The following RBPJ variants were observed in gnomAD, a reference collection of about 807,000 sequenced individuals.
RBPJ encodes recombination signal binding protein for immunoglobulin kappa J region.
Under a neutral mutation model 67.8 loss-of-function variants are expected in RBPJ, and 9 were observed. That is an observed-to-expected ratio of 0.13 (90% CI 0.08 to 0.23). RBPJ has a LOEUF of 0.23. Among genes scored for constraint, RBPJ ranks in the 10% least tolerant of loss-of-function variants. The pLI is 1.00. For synonymous variants in RBPJ, 198 were observed against 203.3 expected, an observed-to-expected ratio of 0.97 and a Z score of 0.22; for missense variants, 305 against 595.6, an observed-to-expected ratio of 0.51 and a Z score of 5.08.
At chr4:26,280,833 C>T (rs1021451137) in intron 1 of RBPJ, among the ~76,000 whole-genome samples, 4 of 152,064 alleles carry the variant, frequency 2.6e-5, no homozygotes, top group Admixed American at 6.6e-5. Flanking sequence ...TTTATGCAGA[C>T]TTCTGGATAA....
At chr4:26,314,499 G>A (rs2109309453) in intron 1 of RBPJ, among the ~76,000 whole-genome samples, 1 of 152,238 alleles carries the variant, frequency 6.6e-6, no homozygotes, top group Admixed American at 6.5e-5. Context: ...CTGGTGGGAG[G>A]TGACTGGATC....
intron 1 of RBPJ, among the ~76,000 whole-genome samples, chr4:26,172,342 A>G (rs1716623842): frequency 6.6e-6 from 1 of 152,202 alleles, no homozygotes; most frequent in Non-Finnish European, 1.5e-5. Context: ...CCACTTGCAG[A>G]TTCTAGACAT....
At chr4:26,305,740 T>A (rs1489880733) in intron 1 of RBPJ, among the ~76,000 whole-genome samples, 1 of 150,692 alleles carries the variant, frequency 6.6e-6, no homozygotes, top group East Asian at 1.9e-4. Context: ...CAGATAATAA[T>A]TTTTTAGTGG....
At chr4:26,246,189 T>C (rs73114515) in intron 1 of RBPJ, among the ~76,000 whole-genome samples, 40,247 of 152,178 alleles carry the variant, frequency 0.26, 5,350 homozygotes, top group African/African-American at 0.29. Flanking sequence ...TCTTCCAATC[T>C]GTGAACATGG....
chr4:26,109,501 C>CACAT, the RBPJ span, among the ~76,000 whole-genome samples: 1 of 49,188 alleles, frequency 2.0e-5, no homozygotes, highest in African/African-American at 8.4e-5. Context: ...TACACACACA[C>CACAT]ATATATATAT....
At chr4:26,164,502 T>C (rs552950087) in intron 1 of RBPJ, among the ~76,000 whole-genome samples, 34 of 152,334 alleles carry the variant, frequency 2.2e-4, no homozygotes, top group African/African-American at 6.5e-4. Flanking sequence ...CCAAGCACTG[T>C]CTGCCAATTT....
intron 1 of RBPJ, among the ~76,000 whole-genome samples, chr4:26,303,221 A>G (rs1722131926): frequency 7.0e-6 from 1 of 142,730 alleles, no homozygotes; most frequent in African/African-American, 2.7e-5. Context: ...AATAAATAAT[A>G]AATGAATAAA....
chr4:26,333,942 T>C (rs1297537224), intron 1 of RBPJ, among the ~76,000 whole-genome samples: 1 of 152,074 alleles, frequency 6.6e-6, no homozygotes, highest in Non-Finnish European at 1.5e-5. Context: ...GCTGGAATTA[T>C]AGTTGTGAGC....
chr4:26,270,423 AAGAAAGAAAGAAAG>A lies in RBPJ; in HGVS notation c.-166-92021_-166-92008del, dbSNP rs1185434787. Among the ~76,000 whole-genome samples, 24 of 59,534 alleles carry A rather than the reference AAGAAAGAAAGAAAG, an allele frequency of 4.0e-4. 2 individuals carry two copies. Among genetic ancestry groups the A allele is most frequent in the African/African-American group, 9.9e-4 (22 of 22,164 alleles). 39.1% of individuals were successfully genotyped at this position (59,534 alleles called of 152,430 possible). On this transcript the variant is annotated intron_variant, in intron 1 of 4. Coordinates refer to the RBPJ transcript ENST00000512351. ...AAAGAAAGAAAGAAAGAAAGAAAGAAAGAAAGAAAGAAAGAAGAAAGAAAGAAAGAAAGAAAAGA... is the reference window on the plus strand; with the variant it reads ...AAAGAAAGAAAGAAAGAAAGAAAGAAAAGAAAGAAAGAAAGAAAGAAAAGA...
chr4:26,206,821 A>T (rs1718186244), intron 1 of RBPJ, among the ~76,000 whole-genome samples: 1 of 151,296 alleles, frequency 6.6e-6, no homozygotes, highest in Non-Finnish European at 1.5e-5. Flanking sequence ...TACAAGAAAT[A>T]CAGCCAAGAA....
chr4:26,297,293 A>ACC (rs1721907269), intron 1 of RBPJ, among the ~76,000 whole-genome samples: 2 of 151,904 alleles, frequency 1.3e-5, no homozygotes, highest in Admixed American at 6.6e-5. Context: ...ACAGAGTGAG[A>ACC]CCCTGTCTCA....
the RBPJ span, among the ~76,000 whole-genome samples, chr4:26,120,927 TAAGG>T: frequency 1.4e-4 from 16 of 110,838 alleles, no homozygotes; most frequent in African/African-American, 4.9e-4. Flanking sequence ...TTTTTCAAAA[TAAGG>T]AAGGAAGGAA....
intron 1 of RBPJ, among the ~76,000 whole-genome samples, chr4:26,363,930 T>G (rs955310179): frequency 4.6e-5 from 7 of 152,238 alleles, no homozygotes; most frequent in African/African-American, 1.7e-4. Context: ...TTTTGAGTGA[T>G]GTAATGAAAA....
intron 3 of RBPJ, among the ~76,000 whole-genome samples, chr4:26,414,129 A>G (rs1264780698): frequency 8.5e-5 from 13 of 152,142 alleles, no homozygotes; most frequent in Admixed American, 8.5e-4. Flanking sequence ...TGTTTCAAGA[A>G]AGAAGAGAAG....
At chr4:26,375,887 A>G (rs1165349076) in intron 1 of RBPJ, among the ~76,000 whole-genome samples, 1 of 152,138 alleles carries the variant, frequency 6.6e-6, no homozygotes, top group Non-Finnish European at 1.5e-5. Context: ...CTCCTTTTGT[A>G]TCCTTACCTT....
At chr4:26,392,184 C>G (rs746271197) in intron 2 of RBPJ, among the ~76,000 whole-genome samples, 16 of 152,182 alleles carry the variant, frequency 1.1e-4, no homozygotes, top group Admixed American at 3.3e-4. Flanking sequence ...AAGGACTCAT[C>G]ATGGGAACAG....
chr4:26,113,616 C>G, the RBPJ span: 1 of 367,386 alleles, frequency 2.7e-6, no homozygotes. Context: ...CCCAGGTCAG[C>G]CTTCACTGTC....
intron 2 of RBPJ, among the ~76,000 whole-genome samples, chr4:26,392,758 C>G (rs1349821333): frequency 6.6e-6 from 1 of 152,078 alleles, no homozygotes; most frequent in African/African-American, 2.4e-5. Flanking sequence ...ATATACATGC[C>G]AAAGCTTGTC....
intron 1 of RBPJ, among the ~76,000 whole-genome samples, chr4:26,246,655 TATTATTC>T (rs1719937116): frequency 6.6e-6 from 1 of 152,216 alleles, no homozygotes. Context: ...GCAAATATGC[TATTATTC>T]ACTACTGTAA....
Sources: allele counts gnomAD v4.1 joint callset (sites outside exome capture counted in the v4.1 genomes callset), GRCh38; gene constraint gnomAD v4.1.1; transcripts MANE v1.5; gene names NCBI Gene and HGNC (gene_info 2026-07-23, HGNC 2026-07-21).